Variants in DIXDC1 observed in about 807,000 individuals in gnomAD.
DIXDC1 encodes the protein DIX domain containing 1, also known as dixin.
Under a neutral mutation model 103.1 loss-of-function variants are expected in DIXDC1, and 64 were observed. The observed-to-expected ratio is 0.62, with a 90% CI of 0.51 to 0.76. The LOEUF (loss-of-function observed/expected upper bound fraction) is 0.76. DIXDC1 is among the 30% of genes least tolerant of loss of function. The pLI is 0.00. For missense variants in DIXDC1, 759 were observed against 834.2 expected (o/e 0.91, Z 1.11); for synonymous variants, 266 against 298.5 (o/e 0.89, Z 1.12).
intron 1 of DIXDC1, among the ~76,000 whole-genome samples, chr11:111,943,936 A>G (rs2137451636): frequency 6.6e-6 from 1 of 152,304 alleles, no homozygotes; most frequent in Middle Eastern, 3.4e-3. Context: ...AAATTCAAGG[A>G]TATTTTTACT....
intron 17 of DIXDC1, among the ~76,000 whole-genome samples, chr11:112,004,661 G>C (rs1022745266): frequency 6.6e-6 from 1 of 152,190 alleles, no homozygotes; most frequent in South Asian, 2.1e-4. Context: ...GCAGGAAACA[G>C]CATACAGAGA....
Position 111,977,177 on chromosome 11 carries a change from C to A in DIXDC1, c.656+2194C>A, listed in dbSNP as rs893825899. The A allele has an allele frequency of 1.0e-5, 9 of 858,334 alleles. No homozygotes were observed. Among genetic ancestry groups the A allele is most frequent in the Non-Finnish European group, 1.3e-5 (9 of 713,736 alleles). 53.2% of individuals were successfully genotyped at this position (858,334 alleles called of 1,614,324 possible). On this transcript the variant is annotated intron_variant, in intron 5 of 19. Coordinates refer to ENST00000440460, the MANE Select transcript of DIXDC1 (RefSeq NM_001037954.4). This position sits in a 1 kb window ranked among gnomAD's most constrained non-coding sequence, Gnocchi z 6.1. ...ACCCCCACCTCCACCCCGCCCAGCC[C>A]CGCCCCTGGCCCGCACCCTCAACCT...
chr11:111,930,473 G>A lies in DIXDC1; in HGVS notation c.57+563G>A, dbSNP rs587630473. Among the ~76,000 whole-genome samples the A allele has an allele frequency of 2.2e-4, 34 of 152,236 alleles. No individual in the cohort carries two copies. The South Asian group carries it at 6.8e-3, about 31-fold the overall frequency. The stretch of plus-strand genomic sequence containing the variant: ...TTTTTGTATTTTTAGTAGAGATGGG[G>A]TTTCACTGTGTTAGTAAATTTTTAA... On this transcript the variant is annotated intron_variant, in intron 2 of 5. Transcript: ENST00000529225.
At chr11:112,000,581 C>T (rs1412089892) in intron 17 of DIXDC1, among the ~76,000 whole-genome samples, 1 of 151,952 alleles carries the variant, frequency 6.6e-6, no homozygotes. Context: ...CCTGTAGTCC[C>T]AGCTACTCGG....
chr11:112,003,788 A>G (rs1322498307), intron 17 of DIXDC1, among the ~76,000 whole-genome samples: 1 of 150,754 alleles, frequency 6.6e-6, no homozygotes, highest in Non-Finnish European at 1.5e-5. Flanking sequence ...ACAAGAGTGA[A>G]GCTCTGTCTC....
At chr11:111,994,376 A>AAAAAC (rs587611098) in intron 14 of DIXDC1, among the ~76,000 whole-genome samples, 2 of 151,878 alleles carry the variant, frequency 1.3e-5, no homozygotes, top group African/African-American at 4.9e-5. Context: ...TGACAGATCA[A>AAAAAC]AAAACAAAAC....
chr11:111,958,989 A>G lies in DIXDC1; in HGVS notation c.61-5560A>G, dbSNP rs782208981. On this transcript the variant is annotated intron_variant, in intron 1 of 19. Transcript: ENST00000440460. This position sits in a 1 kb window ranked among gnomAD's most constrained non-coding sequence, Gnocchi z 4.2. ...TCACTCTGCTGAGAGCTGAACACTC[A>G]TCGGGACACCCTGGCTGTGGAGATG... Among the ~76,000 whole-genome samples the G allele has an allele frequency of 2.0e-5, 3 of 152,172 alleles. No homozygotes were observed. The highest frequency in any genetic ancestry group is 4.8e-5 in the African/African-American group (2 of 41,438).
intron 17 of DIXDC1, among the ~76,000 whole-genome samples, chr11:112,008,245 A>G (rs1377617415): frequency 1.3e-5 from 2 of 152,226 alleles, no homozygotes; most frequent in Non-Finnish European, 2.9e-5. Context: ...AAAGGGATCA[A>G]TTCAACAAGA....
chr11:111,941,835 A>G (rs1158729963), intron 1 of DIXDC1, among the ~76,000 whole-genome samples: 1 of 101,066 alleles, frequency 9.9e-6, no homozygotes. Context: ...AACGAAACAA[A>G]ATACACACAC....
chr11:111,973,608 A>C (rs782303593), intron 3 of DIXDC1, among the ~76,000 whole-genome samples: 1 of 152,098 alleles, frequency 6.6e-6, no homozygotes, highest in Non-Finnish European at 1.5e-5. Flanking sequence ...GCATAGCTCT[A>C]ATATATCATG....
intron 17 of DIXDC1, among the ~76,000 whole-genome samples, chr11:112,014,498 T>G (rs1555177522): frequency 1.3e-5 from 2 of 152,218 alleles, no homozygotes; most frequent in African/African-American, 4.8e-5. Context: ...TATCTCGTGA[T>G]TTTTAAAAGG....
At chr11:111,986,560 C>T (rs1356052631) in intron 8 of DIXDC1, among the ~76,000 whole-genome samples, 5 of 151,910 alleles carry the variant, frequency 3.3e-5, no homozygotes, top group African/African-American at 9.7e-5. Flanking sequence ...AGATGGGTTT[C>T]ACCATGTTGG....
intron 17 of DIXDC1, among the ~76,000 whole-genome samples, chr11:112,001,482 A>G (rs587655911): frequency 6.6e-6 from 1 of 152,358 alleles, no homozygotes; most frequent in South Asian, 2.1e-4. Flanking sequence ...AAAAAGTGAG[A>G]TTTTGTAAAA....
chr11:111,950,432 A>ATATATATATATATATATATT (rs1966753882), intron 1 of DIXDC1, among the ~76,000 whole-genome samples: 1 of 21,202 alleles, frequency 4.7e-5, no homozygotes, highest in African/African-American at 2.9e-4. Context: ...ATATATATAT[A>ATATATATATATATATATATT]TATATATTTT....
At chr11:111,992,616 C>G in intron 11 of DIXDC1, 97 bp downstream of exon 11, 1 of 1,105,208 alleles carries the variant, frequency 9.0e-7, no homozygotes, top group Non-Finnish European at 1.3e-6. Context: ...AATCTCTTAT[C>G]TTGCTTCTGG....
upstream of DIXDC1, among the ~76,000 whole-genome samples, chr11:111,937,017 G>A (rs1555168183): frequency 6.7e-6 from 1 of 149,698 alleles, no homozygotes. Context: ...ATGTGTGTAT[G>A]TGTGTGTGTG....
At chr11:111,949,520 C>T (rs1467257169) in intron 1 of DIXDC1, among the ~76,000 whole-genome samples, 13 of 152,334 alleles carry the variant, frequency 8.5e-5, no homozygotes, top group African/African-American at 3.1e-4. Flanking sequence ...TGCTTATCTT[C>T]TCTTGCTTGA....
At chr11:111,939,063 G>T (rs1007501688) in intron 1 of DIXDC1, among the ~76,000 whole-genome samples, 1 of 152,192 alleles carries the variant, frequency 6.6e-6, no homozygotes, top group South Asian at 2.1e-4. Context: ...CTTTAGCTGC[G>T]TAAGTCTGAC....
At chr11:111,979,946 C>T (rs1860241836) in intron 5 of DIXDC1, among the ~76,000 whole-genome samples, 1 of 151,826 alleles carries the variant, frequency 6.6e-6, no homozygotes, top group South Asian at 2.1e-4. Context: ...AGAGTGAGAC[C>T]CTGTCTCAAA....
Sources: gnomAD v4.1 joint callset for allele counts (sites outside exome capture counted in the v4.1 genomes callset) on GRCh38, gnomAD v4.1.1 for gene constraint, Gnocchi (gnomAD v3.1) non-coding constraint, MANE v1.5 for transcripts, NCBI Gene and HGNC (gene_info 2026-07-23, HGNC 2026-07-21) for gene names.